ZNF546: variants seen among roughly 807,000 people sequenced by gnomAD.
ZNF546 encodes the protein CTC-471F3.6.
A neutral mutation model predicts 76.2 loss-of-function variants in ZNF546; 60 were observed. The ratio of observed to expected loss-of-function variants is 0.79; its 90% CI spans 0.64 to 0.98. The LOEUF is 0.98. ZNF546 is among the 50% of genes least tolerant of loss of function. The pLI, the probability that ZNF546 is intolerant of heterozygous loss-of-function variation, is 0.00. For synonymous variants in ZNF546, 277 were observed against 328.1 expected, an observed-to-expected ratio of 0.84 and a Z score of 1.68; for missense variants, 936 against 1,035.6, an observed-to-expected ratio of 0.90 and a Z score of 1.32.
intron 3 of ZNF546, among the ~76,000 whole-genome samples, chr19:40,000,019 A>C (rs1971507578): frequency 6.6e-6 from 1 of 152,244 alleles, no homozygotes; most frequent in Non-Finnish European, 1.5e-5. Context: ...GCTTCTAGTT[A>C]GAAAAACTAA....
At position 40,014,651 on chromosome 19, in the gene ZNF546, A is replaced by T; in HGVS notation, c.1381A>T (p.Arg461Ter). Residue 461 changes from arginine to a stop codon, truncating the protein, a stop_gained, in exon 7 of 7, where the codon AGA becomes TGA. Transcript: ENST00000347077. LOFTEE classifies it high-confidence loss of function. ...RLQTELTRHHRTHTGEKPYEC... is the reference protein window; with the variant it reads ...RLQTELTRHH ...TCAAACGGAACTTACTCGGCATCAT[A>T]GAACTCATACTGGTGAGAAACCCTA... The T allele has an allele frequency of 6.2e-7, 1 of 1,613,600 alleles. No individual in the cohort carries two copies. The highest frequency in any genetic ancestry group is 2.2e-5 in the East Asian group (1 of 44,856).
intron 5 of ZNF546, 113 bp from the exon 6 acceptor site, chr19:40,008,357 C>T (rs1971632507): frequency 1.5e-6 from 1 of 682,440 alleles, no homozygotes; most frequent in South Asian, 2.3e-5. Flanking sequence ...TTGTCTAGTA[C>T]CATTTTCACC....
At chr19:40,001,021 C>T (rs3930885) in intron 3 of ZNF546, among the ~76,000 whole-genome samples, 9,401 of 151,968 alleles carry the variant, frequency 0.062, 491 homozygotes, top group East Asian at 0.18. Flanking sequence ...GATCATCAGG[C>T]ATTAGATTCT....
At position 40,018,747 on chromosome 19, in the gene ZNF546, G is replaced by A. The variant is rs1490092449; in HGVS notation, c.*2966G>A. 2.0e-5 allele frequency: 3 copies of A among 152,254 alleles called. No homozygotes were observed. The highest frequency in any genetic ancestry group is 7.2e-5 in the African/African-American group (3 of 41,462). The allele number at this position is 152,254 out of a possible 1,614,324, so 9.4% of individuals were successfully genotyped here. A position where few individuals can be genotyped will look rare whatever the true frequency, so the allele number is the denominator to read the frequency against. ...TAATCACATAGAAAAGCTAAGTAAAGCTGTCCTGATTACAGCTGTAATTGA... is the reference window on the plus strand; with the variant it reads ...TAATCACATAGAAAAGCTAAGTAAAACTGTCCTGATTACAGCTGTAATTGA... On this transcript the variant is annotated 3_prime_UTR_variant, in exon 7 of 7. Coordinates refer to ENST00000347077, the MANE Select transcript of ZNF546 (RefSeq NM_178544.5).
intron 4 of ZNF546, 95 bp downstream of exon 4, chr19:40,006,277 C>G (rs750156672): frequency 8.7e-7 from 1 of 1,147,924 alleles, no homozygotes; most frequent in Non-Finnish European, 1.3e-6. Flanking sequence ...CTAAGACAAC[C>G]CTGTTGTGGA....
chr19:40,006,116 G>C lies in ZNF546; in HGVS notation c.105G>C (p.Leu35=), dbSNP rs761643137. 11 of 1,613,912 alleles carry C rather than the reference G, an allele frequency of 6.8e-6. No homozygotes were observed. The highest frequency in any genetic ancestry group is 9.3e-6 in the Non-Finnish European group (11 of 1,179,990). Residue 35 remains leucine (L), a synonymous_variant, in exon 4 of 7, where the codon CTG becomes CTC. Coordinates refer to ENST00000347077, the MANE Select transcript of ZNF546 (RefSeq NM_178544.5). ...CCCAGCCCCGGTTTCTCTGGATTCTGTGCTTCTCCATGGAGGAAACTCAAG... is the reference window on the plus strand; with the variant it reads ...CCCAGCCCCGGTTTCTCTGGATTCTCTGCTTCTCCATGGAGGAAACTCAAG... The part of the protein sequence containing the change: ...LSIMPRFLWI[L]CFSMEETQGE...
chr19:40,005,994 G>C lies in ZNF546; in HGVS notation c.85-102G>C, dbSNP rs141573112. 1,480 of 995,252 alleles carry C rather than the reference G, an allele frequency of 1.5e-3. 19 individuals are homozygous for C. In the African/African-American group the frequency reaches 0.021, roughly 14 times the overall value. 61.7% of individuals were successfully genotyped at this position (995,252 alleles called of 1,614,324 possible). A position where few individuals can be genotyped will look rare whatever the true frequency, so the allele number is the denominator to read the frequency against. Reference sequence around the variant, plus strand: ...CAGTTTATATGCGCAGAATGGTGGGGTTGGAAGTAGAAATGATGGCATAAC... The same window carrying C: ...CAGTTTATATGCGCAGAATGGTGGGCTTGGAAGTAGAAATGATGGCATAAC... On this transcript the variant is annotated intron_variant, in intron 3 of 6. Coordinates refer to ENST00000347077, the MANE Select transcript of ZNF546 (RefSeq NM_178544.5).
In ZNF546 at chr19:40,015,437, T is replaced by C. The variant is rs1599746374; in HGVS notation, c.2167T>C (p.Cys723Arg). 2 of 1,614,222 alleles carry C rather than the reference T, an allele frequency of 1.2e-6. No homozygotes were observed. The highest frequency in any genetic ancestry group is 4.5e-5 in the East Asian group (2 of 44,888). The change falls in exon 7 of 7, where the codon TGT (cysteine) becomes CGT (arginine). Residue 723 changes from cysteine (C) to arginine (R), a missense_variant. Physicochemically the swap from Cys to Arg is radical, Grantham distance 180. Transcript: ENST00000347077. ...TCACACTGGTGAGCTTCCATATGAA[T>C]GTAAGGAATGTGGAAAGACCTTTAG... ...RIHTGELPYE[C>R]KECGKTFSRR... is the part of the protein sequence containing the mutation.
chr19:40,018,726 C>T lies in ZNF546; in HGVS notation c.*2945C>T, dbSNP rs1971813438. ...CCATGCTATGAAGATGCCAAGTAAT[C>T]ACATAGAAAAGCTAAGTAAAGCTGT... On this transcript the variant is annotated 3_prime_UTR_variant, in exon 7 of 7. Coordinates refer to ENST00000347077, the MANE Select transcript of ZNF546 (RefSeq NM_178544.5). 1 of 152,222 alleles carries T rather than the reference C, an allele frequency of 6.6e-6. No homozygotes were observed. Among genetic ancestry groups the T allele is most frequent in the Non-Finnish European group, 1.5e-5 (1 of 68,054 alleles). 9.4% of individuals were successfully genotyped at this position (152,222 alleles called of 1,614,324 possible).
chr19:39,997,653 G>A (rs1429080523), intron 1 of ZNF546, among the ~76,000 whole-genome samples: 1 of 152,220 alleles, frequency 6.6e-6, no homozygotes, highest in East Asian at 1.9e-4. Flanking sequence ...GCATGTTTCA[G>A]AACCACTGCA....
rs988625785 is a variant in ZNF546 at position 40,016,447 on chromosome 19, G to C, written c.*666G>C. On this transcript the variant is annotated 3_prime_UTR_variant, in exon 7 of 7. Coordinates refer to ENST00000347077, the MANE Select transcript of ZNF546 (RefSeq NM_178544.5). ...AGGCAGGAAAATTGCATGAACCTAA[G>C]TGGCAGAGGTTGCAGTGAGCTGAGA... is the stretch of plus-strand genomic sequence containing the variant. The C allele has an allele frequency of 2.0e-5, 3 of 152,478 alleles. No homozygotes were observed. The highest frequency in any genetic ancestry group is 7.2e-5 in the African/African-American group (3 of 41,412). 9.4% of individuals were successfully genotyped at this position (152,478 alleles called of 1,614,324 possible). A position where few individuals can be genotyped will look rare whatever the true frequency, so the allele number is the denominator to read the frequency against.
At chr19:40,011,063 T>C (rs1049836348) in intron 6 of ZNF546, among the ~76,000 whole-genome samples, 2 of 152,212 alleles carry the variant, frequency 1.3e-5, no homozygotes, top group African/African-American at 4.8e-5. Flanking sequence ...GTAAGTCCTT[T>C]ATCAAATGTA....
intron 6 of ZNF546, among the ~76,000 whole-genome samples, chr19:40,010,042 G>A (rs780201280): frequency 2.6e-4 from 40 of 152,138 alleles, no homozygotes; most frequent in Non-Finnish European, 4.9e-4. Context: ...ACTGTCTGGG[G>A]TAGAATGGGT....
chr19:40,012,099 G>A (rs1324160656), intron 6 of ZNF546, among the ~76,000 whole-genome samples: 1 of 150,950 alleles, frequency 6.6e-6, no homozygotes, highest in Non-Finnish European at 1.5e-5. Context: ...CTAGCAATGA[G>A]TTTGAGGATC....
Position 40,015,525 on chromosome 19 carries a change from A to G in ZNF546, c.2255A>G (p.Lys752Arg), listed in dbSNP as rs762114636. Reference protein sequence around the residue: ...LHTGEKPYSCKECGNAFRLQA... With the variant: ...LHTGEKPYSCRECGNAFRLQA... ...ACTGGTGAGAAACCTTATAGCTGTA[A>G]AGAATGTGGGAATGCCTTTCGTCTT... The change falls in exon 7 of 7, where the codon AAA (lysine) becomes AGA (arginine). Residue 752 changes from lysine to arginine, a missense_variant. Transcript: ENST00000347077. 2.1e-5 allele frequency: 34 copies of G among 1,614,020 alleles called. No homozygotes were observed. Among genetic ancestry groups the G allele is most frequent in the Non-Finnish European group, 2.9e-5 (34 of 1,180,040 alleles).
At position 40,013,514 on chromosome 19, in the gene ZNF546, C is replaced by T. The variant is rs1363983371; in HGVS notation, c.395-151C>T. On this transcript the variant is annotated intron_variant, in intron 6 of 6. Coordinates refer to ENST00000347077, the MANE Select transcript of ZNF546 (RefSeq NM_178544.5). ...CTTTTAAAGAAGAAGTTTGTTGAAT[C>T]CTGCTCTAAACCATTTATTTCTAAT... 4.2e-6 allele frequency: 3 copies of T among 718,912 alleles called. No homozygotes were observed. In the East Asian group the frequency reaches 8.8e-5, roughly 21 times the overall value. The allele number at this position is 718,912 out of a possible 1,614,324, so 44.5% of individuals were successfully genotyped here.
intron 6 of ZNF546, among the ~76,000 whole-genome samples, chr19:40,009,169 A>G (rs1971641421): frequency 6.6e-6 from 1 of 152,240 alleles, no homozygotes; most frequent in South Asian, 2.1e-4. Context: ...TATTTGAACC[A>G]GAGACATAAA....
Position 40,016,033 on chromosome 19 carries a change from G to T in ZNF546, c.*252G>T, listed in dbSNP as rs1180052279. ...TTCCCCTACAAACTGTTGTTGAACA[G>T]TGCTTCTCTAAAATGCAATAATAAT... On this transcript the variant is annotated 3_prime_UTR_variant, in exon 7 of 7. Transcript: ENST00000347077. The T allele has an allele frequency of 2.1e-6, 1 of 485,894 alleles. No individual in the cohort carries two copies. Among genetic ancestry groups the T allele is most frequent in the Non-Finnish European group, 3.7e-6 (1 of 269,886 alleles). 30.1% of individuals were successfully genotyped at this position (485,894 alleles called of 1,614,324 possible). A position where few individuals can be genotyped will look rare whatever the true frequency, so the allele number is the denominator to read the frequency against.
chr19:40,015,392 CTTACA>C lies in ZNF546; in HGVS notation c.2129_2133del (p.Leu710SerfsTer7), dbSNP rs1166936340. 9 of 1,614,086 alleles carry C rather than the reference CTTACA, an allele frequency of 5.6e-6. No homozygotes were observed. Among genetic ancestry groups the C allele is most frequent in the East Asian group, 2.2e-5 (1 of 44,894 alleles). On this transcript the variant is annotated frameshift_variant, in exon 7 of 7. Transcript: ENST00000347077. LOFTEE classifies it high-confidence loss of function. ...GAATGCTTTTATTTGCAGTTATCGA[CTTACA>C]TTACATCAAAGAATTCACACTGGTG...
Sources: gnomAD v4.1 joint callset for allele counts (sites outside exome capture counted in the v4.1 genomes callset) on GRCh38, gnomAD v4.1.1 for gene constraint, MANE v1.5 for transcripts, NCBI Gene and HGNC (gene_info 2026-07-23, HGNC 2026-07-21) for gene names.